The following HEXA variants were observed in gnomAD, a reference collection of about 807,000 sequenced individuals.
HEXA encodes the protein hexosaminidase subunit alpha, also known as beta-hexosaminidase subunit alpha.
In HEXA, 54 loss-of-function variants were observed where a neutral mutation model predicts 73.3. The observed-to-expected ratio is 0.74, with a 90% CI of 0.59 to 0.92. The LOEUF (loss-of-function observed/expected upper bound fraction) is 0.92, where lower values mean the gene tolerates loss of function less well. HEXA is among the 40% of genes least tolerant of loss of function. The pLI is 0.00. For synonymous variants in HEXA, 230 were observed against 246.9 expected, an observed-to-expected ratio of 0.93 and a Z score of 0.64; for missense variants, 649 against 653.0, an observed-to-expected ratio of 0.99 and a Z score of 0.07.
chr15:72,355,851 G>A (rs2140328435), intron 2 of HEXA: 2 of 597,744 alleles, frequency 3.3e-6, no homozygotes, highest in South Asian at 1.5e-5. Flanking sequence ...GTAGACCCTG[G>A]ATGATGATGT....
intron 7 of HEXA, 120 bp downstream of exon 7, chr15:72,350,398 G>A (rs1250052642): frequency 4.7e-6 from 5 of 1,066,556 alleles, no homozygotes; most frequent in South Asian, 3.8e-5. Flanking sequence ...GGAAGAAGTC[G>A]ATGGAAAACA....
chr15:72,360,735 G>A (rs940868242), intron 1 of HEXA, among the ~76,000 whole-genome samples: 2 of 152,202 alleles, frequency 1.3e-5, no homozygotes, highest in African/African-American at 4.8e-5. Context: ...GACAGATCTG[G>A]ATTCAAATCT....
chr15:72,375,378 A>G (rs1040044035), intron 1 of HEXA, among the ~76,000 whole-genome samples: 1 of 152,130 alleles, frequency 6.6e-6, no homozygotes, highest in Non-Finnish European at 1.5e-5. Context: ...AACTTTGCAT[A>G]GTTCTTGTAT....
intron 1 of HEXA, among the ~76,000 whole-genome samples, chr15:72,373,455 T>C (rs2089018769): frequency 6.6e-6 from 1 of 152,196 alleles, no homozygotes. Flanking sequence ...GAAGTTACTT[T>C]TAAGTCTTTG....
At chr15:72,370,979 T>C (rs944738532) in intron 1 of HEXA, among the ~76,000 whole-genome samples, 1 of 152,224 alleles carries the variant, frequency 6.6e-6, no homozygotes, top group Non-Finnish European at 1.5e-5. Flanking sequence ...TTCTTCCTCT[T>C]TGCTTTTAAA....
At chr15:72,354,826 C>G (rs1003939604) in intron 3 of HEXA, 4 of 152,488 alleles carry the variant, frequency 2.6e-5, no homozygotes, top group African/African-American at 7.2e-5. Flanking sequence ...TGTATCTAGG[C>G]ACCAAATGCC....
rs200595117 is a variant in HEXA, at chr15:72,375,082, GT to G, written c.253+637del. On this transcript the variant is annotated intron_variant, in intron 1 of 13. Transcript: ENST00000268097. ...CACTTTTTTTGTTTTGTTTTGTTTT[GT>G]TTGGGGGGGGGGGTTGTTTTTCTGA... Among the ~76,000 whole-genome samples, 17 of 141,878 alleles carry G rather than the reference GT, an allele frequency of 1.2e-4. No individual in the cohort carries two copies. In the East Asian group the frequency reaches 3.3e-3, roughly 28 times the overall value. The allele number at this position is 141,878 out of a possible 152,430, so 93.1% of individuals were successfully genotyped here. A position where few individuals can be genotyped will look rare whatever the true frequency, so the allele number is the denominator to read the frequency against.
chr15:72,363,566 TG>T (rs1222244930), intron 1 of HEXA, among the ~76,000 whole-genome samples: 1 of 152,186 alleles, frequency 6.6e-6, no homozygotes, highest in Non-Finnish European at 1.5e-5. Flanking sequence ...TGCCCTGAGC[TG>T]GGGCCTTCTC....
At chr15:72,370,703 A>AAAAAAAGAAAAAG (rs1268990204) in intron 1 of HEXA, 4 of 397,562 alleles carry the variant, frequency 1.0e-5, no homozygotes, top group Non-Finnish European at 1.3e-5. Context: ...TTCTTAAAAA[A>AAAAAAAGAAAAAG]AAAAAGAAAG....
intron 1 of HEXA, among the ~76,000 whole-genome samples, chr15:72,363,791 A>T (rs557748487): frequency 6.1e-4 from 93 of 152,090 alleles, no homozygotes; most frequent in African/African-American, 2.2e-3. Context: ...GTAGTTAAAA[A>T]TTTTCTATTT....
intron 1 of HEXA, chr15:72,370,688 C>T (rs1457576856): frequency 6.7e-6 from 1 of 149,908 alleles, no homozygotes; most frequent in Non-Finnish European, 1.2e-5. Context: ...CAGAGAAAGA[C>T]CTGTTTCTTA....
At position 72,344,120 on chromosome 15, in the gene HEXA, G is replaced by A. The variant is rs1198632396; in HGVS notation, c.1547C>T (p.Pro516Leu). 7 of 1,613,822 alleles carry A rather than the reference G, an allele frequency of 4.3e-6. No homozygotes were observed. Among genetic ancestry groups the A allele is most frequent in the Non-Finnish European group, 5.9e-6 (7 of 1,179,814 alleles). Residue 516 changes from proline (P) to leucine (L), a missense_variant, in exon 14 of 14, where the codon CCC (proline) becomes CTC (leucine). By Grantham distance (98) the Pro-to-Leu change is moderately conservative (BLOSUM62 -3). Coordinates refer to ENST00000268097, the MANE Select transcript of HEXA (RefSeq NM_000520.6). Reference sequence around the variant, plus strand: ...CTGCTCACAGAAGCCTACATTGAGGGGTTGGGCCTGGACACCTCGCCTGCA... The same window carrying A: ...CTGCTCACAGAAGCCTACATTGAGGAGTTGGGCCTGGACACCTCGCCTGCA... Reference protein sequence around the residue: ...ELLRRGVQAQPLNVGFCEQEF... With the variant: ...ELLRRGVQAQLLNVGFCEQEF...
In HEXA at chr15:72,356,585, C is replaced by T. The variant is rs868358306; in HGVS notation, c.286G>A (p.Val96Ile). The change falls in exon 2 of 14, where the codon GTT becomes ATT. Residue 96 changes from valine (V) to isoleucine (I), a missense_variant. Physicochemically the swap from Val to Ile is conservative, Grantham distance 29 (BLOSUM62 3). Transcript: ENST00000268097. ...CATCCAGGTGTGACTACAGAGACAACCAACACATTCTTCTCCAGTGTATGC... is the reference window on the plus strand; with the variant it reads ...CATCCAGGTGTGACTACAGAGACAATCAACACATTCTTCTCCAGTGTATGC... Reference protein sequence around the residue: ...KRHTLEKNVLVVSVVTPGCNQ... With the variant: ...KRHTLEKNVLIVSVVTPGCNQ... 16 of 1,614,148 alleles carry T rather than the reference C, an allele frequency of 9.9e-6. No individual in the cohort carries two copies. The African/African-American group carries it at 1.9e-4, about 19-fold the overall frequency.
At chr15:72,370,960 C>G (rs570549790) in intron 1 of HEXA, among the ~76,000 whole-genome samples, 1 of 152,318 alleles carries the variant, frequency 6.6e-6, no homozygotes, top group Admixed American at 6.5e-5. Flanking sequence ...ACCTTCTTCC[C>G]GTGTTGTTTT....
chr15:72,355,357 C>T, intron 3 of HEXA: 1 of 604,942 alleles, frequency 1.7e-6, no homozygotes, highest in Non-Finnish European at 3.0e-6. Context: ...GAAATCCCAT[C>T]TCTACTAAAA....
chr15:72,345,148 A>C, intron 13 of HEXA: 1 of 421,976 alleles, frequency 2.4e-6, no homozygotes, highest in Non-Finnish European at 4.3e-6. Flanking sequence ...TAGTATTTGC[A>C]TATAACCAAT....
intron 1 of HEXA, among the ~76,000 whole-genome samples, chr15:72,363,559 C>T (rs1329236986): frequency 6.6e-6 from 1 of 152,148 alleles, no homozygotes; most frequent in East Asian, 1.9e-4. Flanking sequence ...AGCCGACTGC[C>T]CTGAGCTGGG....
intron 5 of HEXA, chr15:72,351,552 C>T (rs2088696256): frequency 2.3e-6 from 1 of 440,582 alleles, no homozygotes. Context: ...CTGGAATCTT[C>T]CAAAAGCCTG....
Position 72,351,332 on chromosome 15 carries a change from C to A in HEXA, c.571-98G>T, listed in dbSNP as rs990203696. 1.6e-5 allele frequency: 13 copies of A among 794,786 alleles called. No homozygotes were observed. In the East Asian group the frequency reaches 3.2e-4, roughly 20 times the overall value. The allele number at this position is 794,786 out of a possible 1,614,324, so 49.2% of individuals were successfully genotyped here. On this transcript the variant is annotated intron_variant, in intron 5 of 13. Coordinates refer to ENST00000268097, the MANE Select transcript of HEXA (RefSeq NM_000520.6). ...CGAGCTCTCAGGCCGCTCCACACAC[C>A]CCTACAGGCTTGACCTGCCTCAGCT...
Sources: allele counts gnomAD v4.1 joint callset (sites outside exome capture counted in the v4.1 genomes callset), GRCh38; gene constraint gnomAD v4.1.1; transcripts MANE v1.5; gene names NCBI Gene and HGNC (gene_info 2026-07-23, HGNC 2026-07-21).